SPATC1: variants seen among roughly 807,000 people sequenced by gnomAD.
The protein encoded by SPATC1 is speriolin.
Under a neutral mutation model 36.5 loss-of-function variants are expected in SPATC1, and 35 were observed. The ratio of observed to expected loss-of-function variants is 0.96; its 90% CI spans 0.73 to 1.27. SPATC1 has a LOEUF of 1.27. Among genes scored for constraint, SPATC1 ranks in the 50% most tolerant of loss-of-function variants. The pLI is 0.00. For missense variants in SPATC1, 779 were observed against 796.0 expected (o/e 0.98, Z 0.26); for synonymous variants, 361 against 353.6 (o/e 1.02, Z -0.24).
chr8:144,042,108 C>A, intron 4 of SPATC1: 1 of 651,032 alleles, frequency 1.5e-6, no homozygotes, highest in Non-Finnish European at 1.9e-6. Context: ...ATGTACCCAG[C>A]TCACTGCAAC....
intron 1 of SPATC1, 34 bp from the exon 2 acceptor site, chr8:144,039,875 C>T (rs1554755345): frequency 6.3e-7 from 1 of 1,591,654 alleles, no homozygotes; most frequent in Non-Finnish European, 8.6e-7. Flanking sequence ...GGAGGGGCTC[C>T]CCTGGGGTCT....
chr8:144,012,820 A>C, intron 1 of SPATC1, 94 bp downstream of exon 1: 1 of 1,330,712 alleles, frequency 7.5e-7, no homozygotes, highest in Non-Finnish European at 1.0e-6. Flanking sequence ...GAGGTCATGG[A>C]GGGAGTGCCC....
intron 1 of SPATC1, among the ~76,000 whole-genome samples, chr8:144,014,371 AAG>A (rs1173807732): frequency 7.0e-4 from 102 of 145,782 alleles, no homozygotes; most frequent in Non-Finnish European, 1.0e-3. Flanking sequence ...AAGGAAGGAA[AAG>A]AGAGGAGGAG....
chr8:144,031,703 T>C (rs1315948223), intron 1 of SPATC1, among the ~76,000 whole-genome samples: 2 of 151,296 alleles, frequency 1.3e-5, no homozygotes, highest in East Asian at 3.9e-4. Flanking sequence ...TTTTTTCTTT[T>C]TCTTTTTTTT....
At chr8:144,021,040 A>C (rs1834514717) in intron 1 of SPATC1, among the ~76,000 whole-genome samples, 9 of 154 alleles carry the variant, frequency 0.058, 2 homozygotes, top group Admixed American at 0.23. Flanking sequence ...CCCCATCAGG[A>C]CTCTCATTCC....
chr8:144,023,317 G>C (rs1834590021), intron 1 of SPATC1, among the ~76,000 whole-genome samples: 1 of 98,844 alleles, frequency 1.0e-5, no homozygotes, highest in Non-Finnish European at 2.1e-5. Flanking sequence ...CTCCCCCTGA[G>C]GAACCTCTCC....
intron 1 of SPATC1, among the ~76,000 whole-genome samples, chr8:144,036,955 A>G (rs943694255): frequency 4.3e-4 from 65 of 151,836 alleles, no homozygotes; most frequent in African/African-American, 1.5e-3. Context: ...CGGAGCTGCT[A>G]TGGTGTGTGT....
At chr8:144,020,094 C>G (rs1177212854) in intron 1 of SPATC1, among the ~76,000 whole-genome samples, 3 of 151,244 alleles carry the variant, frequency 2.0e-5, no homozygotes, top group African/African-American at 4.9e-5. Flanking sequence ...GTCAATACCC[C>G]ACAAGACTCT....
chr8:144,030,257 C>T (rs1834767656), intron 1 of SPATC1, among the ~76,000 whole-genome samples: 1 of 152,132 alleles, frequency 6.6e-6, no homozygotes, highest in Admixed American at 6.5e-5. Context: ...ACTGTTTTAT[C>T]CATTCTGCCA....
rs1554755469 is a variant in SPATC1, at chr8:144,040,123, C to T, written c.426C>T (p.Thr142=). Residue 142 remains threonine, a synonymous_variant, in exon 2 of 5, where the codon ACC becomes ACT. Transcript: ENST00000377470. ...SQSSPLTSFL[T]SPIAGPLTGT... ...GCAGCCCCCTCACCAGCTTCCTGAC[C>T]AGTCCCATTGCGGGACCCCTAACAG... The T allele has an allele frequency of 1.2e-6, 2 of 1,610,300 alleles. No individual in the cohort carries two copies. Among genetic ancestry groups the T allele is most frequent in the Admixed American group, 3.3e-5 (2 of 59,756 alleles).
Position 144,045,688 on chromosome 8 carries a change from A to G in SPATC1, c.1447-939A>G, listed in dbSNP as rs1171585105. ...CGTGGCTCTGTGGGCCTGTGCAGAG[A>G]GCGGGCAGGGCCAAGCCTGGAGGCA... is the stretch of plus-strand genomic sequence containing the variant. On this transcript the variant is annotated intron_variant, in intron 4 of 4. Coordinates refer to ENST00000377470, the MANE Select transcript of SPATC1 (RefSeq NM_198572.3). This position sits in a 1 kb window ranked among gnomAD's most constrained non-coding sequence, Gnocchi z 5.2. 6.6e-6 allele frequency among the ~76,000 whole-genome samples: 1 copy of G among 152,186 alleles called. No individual in the cohort carries two copies. The highest frequency in any genetic ancestry group is 1.5e-5 in the Non-Finnish European group (1 of 68,024).
At position 144,040,983 on chromosome 8, in the gene SPATC1, C is replaced by A; in HGVS notation, c.1182C>A (p.Ser394=). The A allele has an allele frequency of 1.9e-6, 3 of 1,612,402 alleles. No homozygotes were observed. Among genetic ancestry groups the A allele is most frequent in the Non-Finnish European group, 2.5e-6 (3 of 1,179,842 alleles). ...CCCACTCCCCACCTCGTACCTCATCCTCCCCGGCTTCAGTCAATGACTCTC... is the reference window on the plus strand; with the variant it reads ...CCCACTCCCCACCTCGTACCTCATCATCCCCGGCTTCAGTCAATGACTCTC... ...HNAHSPPRTS[S]SPASVNDSRG... The change falls in exon 3 of 5, where the codon TCC becomes TCA. Residue 394 remains serine (S), a synonymous_variant. Transcript: ENST00000377470.
chr8:144,041,119 T>C lies in SPATC1; in HGVS notation c.1306+12T>C, dbSNP rs1554755964. 2 of 1,578,690 alleles carry C rather than the reference T, an allele frequency of 1.3e-6. No individual in the cohort carries two copies. Among genetic ancestry groups the C allele is most frequent in the South Asian group, 1.2e-5 (1 of 86,116 alleles). ...CGAGAACCCCCGAGGTCAGTGACACTGCGGGCTCCACGCGGGTCGGGCCCC... is the reference window on the plus strand; with the variant it reads ...CGAGAACCCCCGAGGTCAGTGACACCGCGGGCTCCACGCGGGTCGGGCCCC... On this transcript the variant is annotated intron_variant, in intron 3 of 4. Coordinates refer to ENST00000377470, the MANE Select transcript of SPATC1 (RefSeq NM_198572.3).
chr8:144,013,682 G>A (rs1554752756), intron 1 of SPATC1, among the ~76,000 whole-genome samples: 1 of 152,156 alleles, frequency 6.6e-6, no homozygotes, highest in African/African-American at 2.4e-5. Context: ...GGGGCCAGGT[G>A]CGGTGGCTCA....
chr8:144,021,243 C>A (rs1834523024), intron 1 of SPATC1, among the ~76,000 whole-genome samples: 8 of 146,368 alleles, frequency 5.5e-5, no homozygotes, highest in Non-Finnish European at 7.6e-5. Context: ...GGACCCTCTC[C>A]CCTCAGGACT....
At position 144,041,271 on chromosome 8, in the gene SPATC1, T is replaced by C. The variant is rs782562310; in HGVS notation, c.1346T>C (p.Ile449Thr). ...QLAWERLVGE[I>T]AFQLDRRILS... ...GCCTGGGAGAGGCTGGTGGGTGAGA[T>C]TGCCTTCCAGCTGGACCGCAGGATC... The change falls in exon 4 of 5, where the codon ATT (isoleucine) becomes ACT (threonine). Residue 449 changes from isoleucine to threonine, a missense_variant. Physicochemically the swap from Ile to Thr is moderately conservative, Grantham distance 89. Transcript: ENST00000377470. 19 of 1,612,902 alleles carry C rather than the reference T, an allele frequency of 1.2e-5. No individual in the cohort carries two copies. Among genetic ancestry groups the C allele is most frequent in the East Asian group, 4.5e-5 (2 of 44,876 alleles).
chr8:144,030,640 T>C, intron 1 of SPATC1, among the ~76,000 whole-genome samples: 1 of 152,348 alleles, frequency 6.6e-6, no homozygotes, highest in Non-Finnish European at 1.5e-5. Context: ...ATTACAGGCA[T>C]GAGCCACCAT....
At chr8:144,026,816 T>C (rs1361339653) in intron 1 of SPATC1, among the ~76,000 whole-genome samples, 2 of 148,680 alleles carry the variant, frequency 1.3e-5, no homozygotes, top group Admixed American at 1.3e-4. Context: ...TTTCTTTTTT[T>C]TTTTTTTTTG....
chr8:144,016,380 T>A lies in SPATC1; in HGVS notation c.211+3654T>A, dbSNP rs1430924588. Among the ~76,000 whole-genome samples the A allele has an allele frequency of 6.6e-6, 1 of 152,042 alleles. No individual in the cohort carries two copies. ...GAGTTGCTGTGTGTGTGTGTGAATG[T>A]ATGTGAGAGTGTATGTGGTATGTAT... is the stretch of plus-strand genomic sequence containing the variant. On this transcript the variant is annotated intron_variant, in intron 1 of 4. Coordinates refer to ENST00000377470, the MANE Select transcript of SPATC1 (RefSeq NM_198572.3). The surrounding 1 kb of genome is among the most constrained non-coding windows in gnomAD (Gnocchi z 4.5).
Sources: allele counts gnomAD v4.1 joint callset (sites outside exome capture counted in the v4.1 genomes callset), GRCh38; gene constraint gnomAD v4.1.1; non-coding constraint Gnocchi (gnomAD v3.1); transcripts MANE v1.5; gene names NCBI Gene and HGNC (gene_info 2026-07-23, HGNC 2026-07-21).